The following ARHGAP42 variants were observed in gnomAD, a reference collection of about 807,000 sequenced individuals.
ARHGAP42 encodes rho GTPase-activating protein 42.
Under a neutral mutation model 125.0 loss-of-function variants are expected in ARHGAP42, and 63 were observed. That is an observed-to-expected ratio of 0.50 (90% CI 0.41 to 0.62). The LOEUF is 0.62. ARHGAP42 is among the 20% of genes least tolerant of loss of function. The pLI is 0.00. For synonymous variants in ARHGAP42, 339 were observed against 351.0 expected, an observed-to-expected ratio of 0.97 and a Z score of 0.38; for missense variants, 766 against 1,024.2, an observed-to-expected ratio of 0.75 and a Z score of 3.44.
At chr11:100,749,963 G>A (rs569366780) in intron 1 of ARHGAP42, among the ~76,000 whole-genome samples, 43 of 152,208 alleles carry the variant, frequency 2.8e-4, no homozygotes, top group African/African-American at 9.1e-4. Context: ...GTTTCTTTCC[G>A]CGTTGCTGAG....
At chr11:100,908,427 A>G (rs1419067505) in intron 4 of ARHGAP42, among the ~76,000 whole-genome samples, 2 of 152,088 alleles carry the variant, frequency 1.3e-5, no homozygotes, top group African/African-American at 4.8e-5. Context: ...TCCAGTGTCT[A>G]TTACTCCACT....
intron 4 of ARHGAP42, among the ~76,000 whole-genome samples, chr11:100,866,509 G>A (rs1303127921): frequency 1.3e-5 from 2 of 152,184 alleles, no homozygotes; most frequent in Non-Finnish European, 2.9e-5. Flanking sequence ...CTGAGACTGG[G>A]TAATTTATGA....
At chr11:100,921,648 T>A in intron 6 of ARHGAP42, 44 bp downstream of exon 6, 1 of 1,220,720 alleles carries the variant, frequency 8.2e-7, no homozygotes, top group Non-Finnish European at 1.1e-6. Flanking sequence ...CAAAACAATC[T>A]ATGGAAAAAA....
intron 1 of ARHGAP42, among the ~76,000 whole-genome samples, chr11:100,762,656 C>G (rs1335407556): frequency 6.6e-6 from 1 of 152,096 alleles, no homozygotes; most frequent in East Asian, 1.9e-4. Flanking sequence ...AAACTTTGTT[C>G]AAGTAAATGT....
intron 17 of ARHGAP42, among the ~76,000 whole-genome samples, chr11:100,972,917 T>C (rs1858289501): frequency 6.6e-6 from 1 of 152,184 alleles, no homozygotes; most frequent in Non-Finnish European, 1.5e-5. Flanking sequence ...AGGGTAATTG[T>C]ACTTGATTTA....
intron 3 of ARHGAP42, among the ~76,000 whole-genome samples, chr11:100,834,936 T>C (rs556189789): frequency 4.8e-4 from 72 of 151,414 alleles, no homozygotes; most frequent in African/African-American, 1.7e-3. Flanking sequence ...TCTAAAAACA[T>C]TGAATTTTTA....
chr11:100,961,223 A>G (rs531430667), intron 14 of ARHGAP42, among the ~76,000 whole-genome samples: 12 of 152,292 alleles, frequency 7.9e-5, no homozygotes, highest in Admixed American at 1.3e-4. Flanking sequence ...CTAGAGATAC[A>G]ATAAGATGCA....
chr11:100,716,955 G>T (rs764292815), intron 1 of ARHGAP42, among the ~76,000 whole-genome samples: 19 of 152,152 alleles, frequency 1.2e-4, no homozygotes, highest in Non-Finnish European at 2.5e-4. Context: ...GAGCTCTTGA[G>T]ATACTTAAAG....
chr11:100,795,214 T>A (rs1306975866), intron 3 of ARHGAP42, 48 bp downstream of exon 3: 1 of 1,381,762 alleles, frequency 7.2e-7, no homozygotes, highest in Non-Finnish European at 9.8e-7. Context: ...TTTCAACATA[T>A]TAAAGAGAAA....
rs147004697 is a variant in ARHGAP42, at chr11:100,782,414, G to C, written c.250+11976G>C. ...ATTTTGACATAAAATGTTTGGACCA[G>C]AAAGGCAATAGCCTTGGAAATTGTA... is the stretch of plus-strand genomic sequence containing the variant. On this transcript the variant is annotated intron_variant, in intron 2 of 23. Coordinates refer to ENST00000298815, the MANE Select transcript of ARHGAP42 (RefSeq NM_152432.4). Among the ~76,000 whole-genome samples the C allele has an allele frequency of 2.6e-3, 390 of 152,306 alleles. 2 individuals are homozygous for C. The highest frequency in any genetic ancestry group is 8.9e-3 in the African/African-American group (368 of 41,572).
chr11:100,740,164 G>A (rs1862154363), intron 1 of ARHGAP42, among the ~76,000 whole-genome samples: 1 of 151,306 alleles, frequency 6.6e-6, no homozygotes, highest in African/African-American at 2.4e-5. Context: ...TGACAGTGAA[G>A]TCTAAAATGC....
At chr11:100,795,054 T>C (rs566898469) in intron 2 of ARHGAP42, 51 bp from the exon 3 acceptor site, 6 of 1,348,646 alleles carry the variant, frequency 4.4e-6, no homozygotes, top group Non-Finnish European at 6.1e-6. Flanking sequence ...AGTAATTAGA[T>C]ATTAGCTATG....
chr11:100,910,440 A>T (rs576914256), intron 4 of ARHGAP42, among the ~76,000 whole-genome samples: 1 of 152,346 alleles, frequency 6.6e-6, no homozygotes, highest in Admixed American at 6.5e-5. Context: ...GACAGAAAAC[A>T]TCCCATTACA....
In ARHGAP42 at chr11:100,872,982, T is replaced by A. The variant is rs141292163; in HGVS notation, c.384+13357T>A. ...AAAGGCATCACTGATGTACCTGAAG[T>A]ATGCCCATCATATTTTTCAAGCACA... On this transcript the variant is annotated intron_variant, in intron 4 of 23. Transcript: ENST00000298815. Among the ~76,000 whole-genome samples, 630 of 152,294 alleles carry A rather than the reference T, an allele frequency of 4.1e-3. 10 individuals carry two copies. Among genetic ancestry groups the A allele is most frequent in the Admixed American group, 0.035 (536 of 15,288 alleles).
At chr11:100,923,440 G>T (rs567939328) in intron 6 of ARHGAP42, among the ~76,000 whole-genome samples, 1 of 152,192 alleles carries the variant, frequency 6.6e-6, no homozygotes, top group African/African-American at 2.4e-5. Context: ...ATTCCTCTTG[G>T]AAGATGATAT....
chr11:100,897,844 C>A lies in ARHGAP42; in HGVS notation c.385-15608C>A, dbSNP rs544413976. Reference sequence around the variant, plus strand: ...GAATACTCTTTATTTCTTTCTCTTGCCTGATTGCCCCGGCCAGAACTTCCA... The same window carrying A: ...GAATACTCTTTATTTCTTTCTCTTGACTGATTGCCCCGGCCAGAACTTCCA... On this transcript the variant is annotated intron_variant, in intron 4 of 23. Transcript: ENST00000298815. 1.2e-4 allele frequency among the ~76,000 whole-genome samples: 18 copies of A among 152,222 alleles called. No individual in the cohort carries two copies. The South Asian group carries it at 3.1e-3, about 26-fold the overall frequency.
chr11:100,941,106 G>A (rs968380140), intron 8 of ARHGAP42, among the ~76,000 whole-genome samples: 39 of 152,136 alleles, frequency 2.6e-4, no homozygotes, highest in African/African-American at 9.4e-4. Context: ...TGCAAGTCAT[G>A]CAGGTATCTA....
intron 2 of ARHGAP42, among the ~76,000 whole-genome samples, chr11:100,772,962 G>A (rs151036063): frequency 0.026 from 3,935 of 152,204 alleles, 70 homozygotes; most frequent in Non-Finnish European, 0.032. Flanking sequence ...TCAGCCTCCT[G>A]AGTAACTGGG....
At chr11:100,925,038 GC>G (rs1867382712) in intron 6 of ARHGAP42, among the ~76,000 whole-genome samples, 1 of 151,834 alleles carries the variant, frequency 6.6e-6, no homozygotes, top group African/African-American at 2.4e-5. Flanking sequence ...CACCATGTTG[GC>G]CAGGCTGTTC....
Sources: gnomAD v4.1 joint callset for allele counts (sites outside exome capture counted in the v4.1 genomes callset) on GRCh38, gnomAD v4.1.1 for gene constraint, MANE v1.5 for transcripts, NCBI Gene and HGNC (gene_info 2026-07-23, HGNC 2026-07-21) for gene names.